Variants in KALRN observed in about 807,000 individuals in gnomAD.
The protein encoded by KALRN is kalirin.
In KALRN, 70 loss-of-function variants were observed where a neutral mutation model predicts 353.7. That is an observed-to-expected ratio of 0.20 (90% CI 0.16 to 0.24). The LOEUF (loss-of-function observed/expected upper bound fraction) is 0.24. Ranked by LOEUF, KALRN falls within the 10% of genes least tolerant of loss-of-function variation. The pLI is 1.00. For synonymous variants in KALRN, 1,391 were observed against 1,434.8 expected, an observed-to-expected ratio of 0.97 and a Z score of 0.69; for missense variants, 2,791 against 3,756.7, an observed-to-expected ratio of 0.74 and a Z score of 6.72.
Position 124,334,174 on chromosome 3 carries a change from G to A in KALRN, c.1417-91G>A, listed in dbSNP as rs2080887417. ...ATGCCTGAGATTCTCAGAAGGCCTA[G>A]TCAGGGACCCTCAGGCAGACACTTC... On this transcript the variant is annotated intron_variant, in intron 8 of 59. Transcript: ENST00000682506. This position sits in a 1 kb window ranked among gnomAD's most constrained non-coding sequence, Gnocchi z 4.2. 9.0e-7 allele frequency: 1 copy of A among 1,109,948 alleles called. No individual in the cohort carries two copies. Among genetic ancestry groups the A allele is most frequent in the African/African-American group, 1.5e-5 (1 of 65,722 alleles). 68.8% of individuals were successfully genotyped at this position (1,109,948 alleles called of 1,614,324 possible).
chr3:124,475,155 G>T (rs1177440886), intron 26 of KALRN, among the ~76,000 whole-genome samples: 2 of 152,208 alleles, frequency 1.3e-5, no homozygotes, highest in East Asian at 1.9e-4. Flanking sequence ...CAGGCATGCA[G>T]TGTGAAATAA....
chr3:124,519,084 A>AT, intron 33 of KALRN: 2 of 985,634 alleles, frequency 2.0e-6, no homozygotes, highest in Non-Finnish European at 1.2e-6. Flanking sequence ...GCCTACTCAG[A>AT]TTTTTTCAGG....
chr3:124,652,780 T>A (rs2083560480), intron 38 of KALRN, among the ~76,000 whole-genome samples: 1 of 152,106 alleles, frequency 6.6e-6, no homozygotes, highest in Non-Finnish European at 1.5e-5. Flanking sequence ...GGTTTCACCG[T>A]GTTAGCCAGG....
intron 49 of KALRN, among the ~76,000 whole-genome samples, chr3:124,676,299 G>A (rs1482193038): frequency 1.3e-5 from 2 of 152,184 alleles, no homozygotes; most frequent in African/African-American, 4.8e-5. Context: ...AGGGTTGGGG[G>A]TGTGTGTGGA....
At chr3:124,564,066 A>G (rs999863417) in intron 34 of KALRN, among the ~76,000 whole-genome samples, 17 of 150,944 alleles carry the variant, frequency 1.1e-4, no homozygotes, top group Admixed American at 7.9e-4. Flanking sequence ...TTAGCCGGGC[A>G]TGGTGGCGCA....
chr3:124,126,249 TATATATC>T (rs2064656905), intron 1 of KALRN, among the ~76,000 whole-genome samples: 1 of 152,094 alleles, frequency 6.6e-6, no homozygotes, highest in African/African-American at 2.4e-5. Context: ...CTTGAAAAGA[TATATATC>T]AATCAGAAGG....
chr3:124,638,347 A>C (rs958300542), intron 37 of KALRN, among the ~76,000 whole-genome samples: 2 of 148,992 alleles, frequency 1.3e-5, no homozygotes, highest in Non-Finnish European at 3.0e-5. Flanking sequence ...AAAAAAAAAA[A>C]ACAAAAACCT....
intron 1 of KALRN, among the ~76,000 whole-genome samples, chr3:124,179,049 G>T (rs1394346094): frequency 1.3e-5 from 2 of 152,096 alleles, no homozygotes; most frequent in Non-Finnish European, 2.9e-5. Context: ...CAAGGCTACA[G>T]TGAGCTATGA....
chr3:124,314,112 A>C (rs1018753494), intron 6 of KALRN, among the ~76,000 whole-genome samples: 1 of 152,112 alleles, frequency 6.6e-6, no homozygotes, highest in African/African-American at 2.4e-5. Flanking sequence ...AATGTCCATC[A>C]ATGATAGACT....
At chr3:124,519,970 C>A in intron 33 of KALRN, 1 of 689,600 alleles carries the variant, frequency 1.5e-6, no homozygotes, top group Non-Finnish European at 1.8e-6. Context: ...GGGACAGATG[C>A]AATGAGCGTG....
rs1395880205 is a variant in KALRN at position 124,268,948 on chromosome 3, A to T, written c.662A>T (p.Asp221Val). The T allele has an allele frequency of 1.2e-6, 2 of 1,613,898 alleles. No individual in the cohort carries two copies. Among genetic ancestry groups the T allele is most frequent in the Non-Finnish European group, 1.7e-6 (2 of 1,179,946 alleles). Reference protein sequence around the residue: ...EMLARKEFPVDVEGSRRLIDE... With the variant: ...EMLARKEFPVVVEGSRRLIDE... ...CTAGCCCGGAAGGAGTTTCCTGTGG[A>T]TGTGGAGGGCTCTCGGCGGCTCATT... Residue 221 changes from aspartate (D) to valine (V), a missense_variant, in exon 5 of 60, where the codon GAT (aspartate) becomes GTT (valine). Physicochemically the swap from Asp to Val is radical, Grantham distance 152 (BLOSUM62 -3). Coordinates refer to ENST00000682506, the MANE Select transcript of KALRN (RefSeq NM_001388419.1).
chr3:124,558,196 A>G (rs763184558), intron 33 of KALRN, among the ~76,000 whole-genome samples: 3 of 152,212 alleles, frequency 2.0e-5, no homozygotes, highest in Non-Finnish European at 4.4e-5. Context: ...TTACCAAACA[A>G]CATGCCATCA....
chr3:124,640,027 T>C (rs536527334), intron 37 of KALRN, among the ~76,000 whole-genome samples: 12 of 152,324 alleles, frequency 7.9e-5, no homozygotes, highest in African/African-American at 2.6e-4. Flanking sequence ...CTAAGTTGCA[T>C]TTTCACCTTC....
intron 1 of KALRN, among the ~76,000 whole-genome samples, chr3:124,168,964 A>G (rs896051649): frequency 6.6e-6 from 1 of 152,252 alleles, no homozygotes; most frequent in Non-Finnish European, 1.5e-5. Context: ...TATTTAGAGT[A>G]TATACTAAGA....
chr3:124,647,294 C>A (rs907148751), intron 37 of KALRN, among the ~76,000 whole-genome samples: 10 of 152,084 alleles, frequency 6.6e-5, no homozygotes, highest in Admixed American at 3.3e-4. Context: ...CACTCCTCAT[C>A]CCCTCTTCCT....
intron 1 of KALRN, among the ~76,000 whole-genome samples, chr3:124,220,479 C>A (rs1241336918): frequency 6.6e-6 from 1 of 151,976 alleles, no homozygotes; most frequent in Non-Finnish European, 1.5e-5. Flanking sequence ...TTCTCCCACT[C>A]TTGCCACCTC....
At chr3:124,669,499 T>C (rs1485979898) in intron 47 of KALRN, among the ~76,000 whole-genome samples, 1 of 152,202 alleles carries the variant, frequency 6.6e-6, no homozygotes, top group African/African-American at 2.4e-5. Context: ...TTATTGTAAA[T>C]AACCAGGTAA....
At chr3:124,149,468 A>G (rs1003510879) in intron 1 of KALRN, among the ~76,000 whole-genome samples, 1 of 152,200 alleles carries the variant, frequency 6.6e-6, no homozygotes, top group African/African-American at 2.4e-5. Context: ...CCTGCTGCCC[A>G]GTGTCTAATA....
chr3:124,351,670 C>G (rs2082849401), intron 10 of KALRN, among the ~76,000 whole-genome samples: 1 of 152,096 alleles, frequency 6.6e-6, no homozygotes, highest in Non-Finnish European at 1.5e-5. Context: ...GTGATTCTTA[C>G]CAGTGGTCAG....
Sources: gnomAD v4.1 joint callset for allele counts (sites outside exome capture counted in the v4.1 genomes callset) on GRCh38, gnomAD v4.1.1 for gene constraint, Gnocchi (gnomAD v3.1) non-coding constraint, MANE v1.5 for transcripts, NCBI Gene and HGNC (gene_info 2026-07-23, HGNC 2026-07-21) for gene names.